Variants in MALRD1 observed in about 807,000 individuals in gnomAD.
MALRD1 encodes MAM and LDL receptor class A domain containing 1.
A neutral mutation model predicts 242.1 loss-of-function variants in MALRD1; 247 were observed. That is an observed-to-expected ratio of 1.02 (90% CI 0.92 to 1.13). The LOEUF (loss-of-function observed/expected upper bound fraction) is 1.13, where lower values mean the gene tolerates loss of function less well. Ranked by LOEUF, MALRD1 falls within the 50% of genes most tolerant of loss-of-function variation. The pLI is 0.00. For synonymous variants in MALRD1, 995 were observed against 866.6 expected, an observed-to-expected ratio of 1.15 and a Z score of -2.60; for missense variants, 2,989 against 2,533.1, an observed-to-expected ratio of 1.18 and a Z score of -3.86.
intron 32 of MALRD1, among the ~76,000 whole-genome samples, chr10:19,546,949 A>G (rs766429045): frequency 1.3e-5 from 2 of 152,196 alleles, no homozygotes; most frequent in Non-Finnish European, 2.9e-5. Flanking sequence ...CTAAAAGAAC[A>G]GTAATTCAGC....
chr10:19,216,119 C>CTTTTTTTTTTT (rs753559077), intron 18 of MALRD1, among the ~76,000 whole-genome samples: 4 of 122,812 alleles, frequency 3.3e-5, no homozygotes, highest in South Asian at 2.6e-4. Flanking sequence ...TTCTTTCTTT[C>CTTTTTTTTTTT]TTTTTTTTTT....
At chr10:19,570,864 A>C (rs1052960407) in intron 33 of MALRD1, among the ~76,000 whole-genome samples, 4 of 151,962 alleles carry the variant, frequency 2.6e-5, no homozygotes, top group African/African-American at 9.7e-5. Flanking sequence ...TGTCTTCTTA[A>C]AACTGTGTTG....
intron 31 of MALRD1, among the ~76,000 whole-genome samples, chr10:19,504,783 C>T (rs934627242): frequency 2.7e-5 from 4 of 147,040 alleles, no homozygotes; most frequent in African/African-American, 5.1e-5. Context: ...CCCGGGTTCA[C>T]GCCATTCTCC....
At chr10:19,455,237 A>G (rs1156562354) in intron 29 of MALRD1, among the ~76,000 whole-genome samples, 3 of 152,240 alleles carry the variant, frequency 2.0e-5, no homozygotes, top group Middle Eastern at 3.2e-3. Context: ...TAGGAAGACA[A>G]TTCATATTGT....
chr10:19,186,402 C>T (rs1454084923), intron 14 of MALRD1, among the ~76,000 whole-genome samples: 5 of 152,036 alleles, frequency 3.3e-5, no homozygotes, highest in Non-Finnish European at 5.9e-5. Flanking sequence ...CACTGATCTC[C>T]GATAAAGAAA....
chr10:19,146,884 A>G (rs1399619195), intron 11 of MALRD1, among the ~76,000 whole-genome samples: 1 of 152,206 alleles, frequency 6.6e-6, no homozygotes, highest in Non-Finnish European at 1.5e-5. Flanking sequence ...AACCATAACT[A>G]CCTGTGGTTT....
chr10:19,557,076 C>A (rs1471522366), intron 32 of MALRD1, among the ~76,000 whole-genome samples: 4 of 152,038 alleles, frequency 2.6e-5, no homozygotes. Flanking sequence ...TGCCATTAGC[C>A]ATTTGAATAG....
chr10:19,477,491 C>A (rs1836792513), intron 29 of MALRD1, among the ~76,000 whole-genome samples: 1 of 149,966 alleles, frequency 6.7e-6, no homozygotes, highest in African/African-American at 2.5e-5. Flanking sequence ...TAAATAAACA[C>A]AATAATTGTT....
intron 21 of MALRD1, among the ~76,000 whole-genome samples, chr10:19,296,029 T>C (rs1841678920): frequency 6.6e-6 from 1 of 152,024 alleles, no homozygotes; most frequent in Non-Finnish European, 1.5e-5. Flanking sequence ...AACATACTGA[T>C]ACCCAGGCCC....
At chr10:19,667,285 G>A (rs866854315) in intron 36 of MALRD1, among the ~76,000 whole-genome samples, 5 of 151,898 alleles carry the variant, frequency 3.3e-5, no homozygotes, top group Non-Finnish European at 7.4e-5. Flanking sequence ...TGGAGATCTC[G>A]TCTCTATTTA....
At chr10:19,624,295 A>C (rs5016620) in intron 36 of MALRD1, among the ~76,000 whole-genome samples, 16,849 of 152,124 alleles carry the variant, frequency 0.11, 2,425 homozygotes, top group African/African-American at 0.34. Context: ...ATATGATACA[A>C]CCATACAATG....
intron 28 of MALRD1, among the ~76,000 whole-genome samples, chr10:19,429,446 C>A (rs952121238): frequency 6.6e-6 from 1 of 152,148 alleles, no homozygotes; most frequent in Non-Finnish European, 1.5e-5. Flanking sequence ...CACCTGTGAT[C>A]CCAGCTACTC....
intron 36 of MALRD1, among the ~76,000 whole-genome samples, chr10:19,640,874 G>A (rs1463778658): frequency 6.6e-6 from 1 of 152,032 alleles, no homozygotes; most frequent in African/African-American, 2.4e-5. Context: ...TGTTTAAAAG[G>A]CAAATAAAAT....
chr10:19,087,856 G>A lies in MALRD1; in HGVS notation c.357G>A (p.Leu119=). 1 of 1,232,246 alleles carries A rather than the reference G, an allele frequency of 8.1e-7. No individual in the cohort carries two copies. Among genetic ancestry groups the A allele is most frequent in the East Asian group, 3.2e-5 (1 of 31,612 alleles). The allele number at this position is 1,232,246 out of a possible 1,614,324, so 76.3% of individuals were successfully genotyped here. The change falls in exon 3 of 40, where the codon CTG becomes CTA. Residue 119 remains leucine, a synonymous_variant. Transcript: ENST00000454679. ...TTCTGATAGCTCACTTCCTCTCACT[G>A]GTTTCCAGAGTGGATTCTATTTCCT... ...NGDVSAHFLS[L]VSRVDSISSS...
At chr10:19,134,786 A>G (rs555710115) in intron 9 of MALRD1, among the ~76,000 whole-genome samples, 1 of 152,330 alleles carries the variant, frequency 6.6e-6, no homozygotes, top group East Asian at 1.9e-4. Flanking sequence ...AAGATAAAAC[A>G]AAGTAAAATG....
chr10:19,720,097 T>G (rs1258807630), intron 38 of MALRD1, among the ~76,000 whole-genome samples: 1 of 152,208 alleles, frequency 6.6e-6, no homozygotes, highest in African/African-American at 2.4e-5. Context: ...ACTGCAATGA[T>G]GTAAATTATA....
intron 31 of MALRD1, among the ~76,000 whole-genome samples, chr10:19,505,923 G>A (rs1833110564): frequency 6.6e-6 from 1 of 152,112 alleles, no homozygotes; most frequent in African/African-American, 2.4e-5. Flanking sequence ...TTGAACCTTG[G>A]CTGCATATTA....
rs1554803054 is a variant in MALRD1 at position 19,171,422 on chromosome 10, T to TTATATATATA, written c.1831-3780_1831-3779insTATATATATA. Among the ~76,000 whole-genome samples, 52 of 36,270 alleles carry TTATATATATA rather than the reference T, an allele frequency of 1.4e-3. 1 individual carries two copies. Among genetic ancestry groups the TTATATATATA allele is most frequent in the African/African-American group, 3.6e-3 (46 of 12,722 alleles). The allele number at this position is 36,270 out of a possible 152,430, so 23.8% of individuals were successfully genotyped here. A position where few individuals can be genotyped will look rare whatever the true frequency, so the allele number is the denominator to read the frequency against. On this transcript the variant is annotated intron_variant, in intron 13 of 39. Coordinates refer to ENST00000454679, the MANE Select transcript of MALRD1 (RefSeq NM_001142308.3). ...GGAATTGGTCACAACATTTTATATT[T>TTATATATATA]TATATACATATATATATATATATAT...
chr10:19,209,489 A>C lies in MALRD1; in HGVS notation c.2800A>C (p.Asn934His). ...DSAALLSPIL[N>H]ATDTKGCTFR... is the part of the protein sequence containing the mutation. ...TGCTGCCTTACTCAGCCCAATCCTTAATGCCACTGATACAAAAGGCTGCAC... is the reference window on the plus strand; with the variant it reads ...TGCTGCCTTACTCAGCCCAATCCTTCATGCCACTGATACAAAAGGCTGCAC... Residue 934 changes from asparagine (N) to histidine (H), a missense_variant, in exon 18 of 40, where the codon AAT (asparagine) becomes CAT (histidine). Asn to His is a moderately conservative substitution (Grantham distance 68). Transcript: ENST00000454679. The C allele has an allele frequency of 6.4e-7, 1 of 1,550,748 alleles. No individual in the cohort carries two copies. The highest frequency in any genetic ancestry group is 8.7e-7 in the Non-Finnish European group (1 of 1,147,018).
Sources: allele counts gnomAD v4.1 joint callset (sites outside exome capture counted in the v4.1 genomes callset), GRCh38; gene constraint gnomAD v4.1.1; transcripts MANE v1.5; gene names NCBI Gene and HGNC (gene_info 2026-07-23, HGNC 2026-07-21).